Variants in ANO4 observed in about 807,000 individuals in gnomAD.
ANO4 encodes the protein anoctamin-4.
In ANO4, 69 loss-of-function variants were observed where a neutral mutation model predicts 141.9. The observed-to-expected ratio is 0.49, with a 90% CI of 0.40 to 0.59. ANO4 has a LOEUF of 0.59. Among genes scored for constraint, ANO4 ranks in the 20% least tolerant of loss-of-function variants. The pLI, the probability that ANO4 is intolerant of heterozygous loss-of-function variation, is 0.00. For synonymous variants in ANO4, 350 were observed against 394.3 expected (o/e 0.89, Z 1.33); for missense variants, 894 against 1,162.2 (o/e 0.77, Z 3.36).
At chr12:101,050,128 A>G (rs189711186) in intron 14 of ANO4, among the ~76,000 whole-genome samples, 101 of 152,306 alleles carry the variant, frequency 6.6e-4, no homozygotes, top group African/African-American at 2.1e-3. Context: ...CTAGAAATAG[A>G]TAGAAGCAAA....
intron 1 of ANO4, among the ~76,000 whole-genome samples, chr12:100,865,134 T>C (rs576986844): frequency 6.6e-6 from 1 of 152,200 alleles, no homozygotes; most frequent in Non-Finnish European, 1.5e-5. Flanking sequence ...TATAATCCTT[T>C]AGGTACATAC....
At chr12:100,904,126 G>A (rs570087300) in intron 2 of ANO4, among the ~76,000 whole-genome samples, 23 of 152,136 alleles carry the variant, frequency 1.5e-4, no homozygotes, top group Non-Finnish European at 2.9e-4. Flanking sequence ...ATAAATATTT[G>A]TAGGGTAGGA....
rs572368050 is a variant in ANO4 at position 100,809,341 on chromosome 12, C to T, written c.-141+14314C>T. On this transcript the variant is annotated intron_variant, in intron 1 of 27. Transcript: ENST00000392977. ...GGCTGAGATTGCAGTCAGCAGAGAT[C>T]GCCCCACTGCACTCCAACCTGGGCG... Among the ~76,000 whole-genome samples, 9 of 151,352 alleles carry T rather than the reference C, an allele frequency of 5.9e-5. No individual in the cohort carries two copies. In the South Asian group the frequency reaches 8.3e-4, roughly 14 times the overall value.
At chr12:100,814,733 A>AT (rs1008472601) in intron 1 of ANO4, among the ~76,000 whole-genome samples, 2 of 152,050 alleles carry the variant, frequency 1.3e-5, no homozygotes, top group African/African-American at 4.8e-5. Context: ...GCTCCATAAT[A>AT]TGTATGAGGT....
chr12:100,978,232 C>T (rs2044293618), intron 7 of ANO4, among the ~76,000 whole-genome samples: 1 of 152,170 alleles, frequency 6.6e-6, no homozygotes, highest in Admixed American at 6.5e-5. Context: ...TGAATCTCCA[C>T]ATGCGTGTAT....
At chr12:100,733,661 C>T in intron 1 of ANO4, 2 of 602,352 alleles carry the variant, frequency 3.3e-6, no homozygotes, top group Middle Eastern at 3.8e-4. Flanking sequence ...ATGAGACTAC[C>T]CGTGTCATAG....
At chr12:101,079,319 C>G (rs779618161) in intron 15 of ANO4, 44 bp downstream of exon 15, 2 of 1,503,944 alleles carry the variant, frequency 1.3e-6, no homozygotes, top group East Asian at 2.4e-5. Flanking sequence ...GCAAATCACC[C>G]AGAACCACAC....
intron 14 of ANO4, among the ~76,000 whole-genome samples, chr12:101,051,640 A>G (rs895665384): frequency 6.6e-6 from 1 of 152,204 alleles, no homozygotes; most frequent in African/African-American, 2.4e-5. Context: ...AGCATTGCCC[A>G]TGTATCATCT....
chr12:101,017,044 T>C (rs1231196600), intron 8 of ANO4, among the ~76,000 whole-genome samples: 1 of 152,194 alleles, frequency 6.6e-6, no homozygotes. Flanking sequence ...CATCAGTGGT[T>C]CTTTGCTTCC....
chr12:100,974,678 A>G, intron 6 of ANO4, 167 bp from the exon 7 acceptor site: 1 of 758,158 alleles, frequency 1.3e-6, no homozygotes, highest in South Asian at 1.4e-5. Context: ...TCAAAAACGC[A>G]TGCCCTGTGT....
Position 100,740,138 on chromosome 12 carries a change from C to G in ANO4, c.358+33C>G, listed in dbSNP as rs866816940. The G allele has an allele frequency of 8.6e-6, 6 of 699,868 alleles. 1 individual carries two copies. The African/African-American group carries it at 8.7e-5, about 10-fold the overall frequency. The allele number at this position is 699,868 out of a possible 1,614,324, so 43.4% of individuals were successfully genotyped here. A position where few individuals can be genotyped will look rare whatever the true frequency, so the allele number is the denominator to read the frequency against. On this transcript the variant is annotated intron_variant, in intron 3 of 29. Transcript: ENST00000644049. ...TTGGCTTCCTGTTGGAGATTCGGGA[C>G]TGGGTGTGTATAAGATTCCTTCATG...
intron 1 of ANO4, among the ~76,000 whole-genome samples, chr12:100,812,612 A>G (rs79059374): frequency 9.2e-4 from 140 of 152,326 alleles, no homozygotes; most frequent in African/African-American, 3.2e-3. Flanking sequence ...AATGACTTAC[A>G]TGTAAGATAC....
chr12:100,999,356 C>G (rs889490950), intron 8 of ANO4, among the ~76,000 whole-genome samples: 3 of 152,222 alleles, frequency 2.0e-5, no homozygotes, highest in African/African-American at 7.2e-5. Context: ...CACATCACAT[C>G]ACTCTGACTT....
intron 17 of ANO4, among the ~76,000 whole-genome samples, chr12:101,090,747 AAAAAG>A (rs1252527785): frequency 6.6e-6 from 1 of 152,118 alleles, no homozygotes; most frequent in African/African-American, 2.4e-5. Context: ...TAAATTAAAA[AAAAAG>A]AAAGAAAGAA....
intron 26 of ANO4, among the ~76,000 whole-genome samples, chr12:101,125,217 C>A (rs1330103096): frequency 6.6e-6 from 1 of 152,030 alleles, no homozygotes; most frequent in Non-Finnish European, 1.5e-5. Context: ...GTATTTTATT[C>A]TTTTGCAGCA....
At chr12:100,893,321 A>G (rs1360314290) in intron 1 of ANO4, among the ~76,000 whole-genome samples, 2 of 151,672 alleles carry the variant, frequency 1.3e-5, no homozygotes, top group Non-Finnish European at 2.9e-5. Context: ...TATGGAGACC[A>G]TTATTGGAGG....
In ANO4 at chr12:100,900,565, GT is replaced by G. The variant is rs1328107964; in HGVS notation, c.-140-1080del. Among the ~76,000 whole-genome samples the G allele has an allele frequency of 6.1e-5, 9 of 148,718 alleles. No individual in the cohort carries two copies. The East Asian group carries it at 1.6e-3, about 26-fold the overall frequency. On this transcript the variant is annotated intron_variant, in intron 1 of 27. Transcript: ENST00000392977. ...GAACATGCAGTGTTTGGGTTTTTCT[GT>G]CCGTCAATGATAGACTGGATTAAGA...
chr12:100,776,027 C>T (rs1160053601), intron 3 of ANO4, among the ~76,000 whole-genome samples: 2 of 152,058 alleles, frequency 1.3e-5, no homozygotes, highest in East Asian at 3.9e-4. Flanking sequence ...ATAGTTAATA[C>T]TTAGTGAGTG....
intron 13 of ANO4, 65 bp downstream of exon 13, chr12:101,043,700 G>C: frequency 1.7e-6 from 2 of 1,168,222 alleles, no homozygotes; most frequent in Non-Finnish European, 2.6e-6. Context: ...AGGGATGGTG[G>C]GTAACTCTAT....
Sources: gnomAD v4.1 joint callset for allele counts (sites outside exome capture counted in the v4.1 genomes callset) on GRCh38, gnomAD v4.1.1 for gene constraint, MANE v1.5 for transcripts, NCBI Gene and HGNC (gene_info 2026-07-23, HGNC 2026-07-21) for gene names.